FANCB: variants seen among roughly 807,000 people sequenced by gnomAD.
The protein encoded by FANCB is FA complementation group B, also known as Fanconi anemia group B protein.
Under a neutral mutation model 38.9 loss-of-function variants are expected in FANCB, and 5 were observed. That is an observed-to-expected ratio of 0.13 (90% CI 0.07 to 0.27). FANCB has a LOEUF of 0.27. Ranked by LOEUF, FANCB falls within the 10% of genes least tolerant of loss-of-function variation. The probability of loss-of-function intolerance (pLI) is 1.00; values close to 1 mark genes in which losing one functional copy is unlikely to be tolerated. For missense variants in FANCB, 573 were observed against 602.7 expected (o/e 0.95, Z 0.52); for synonymous variants, 236 against 215.4 (o/e 1.10, Z -0.84).
the FANCB span, among the ~76,000 whole-genome samples, chrX:14,775,597 C>T: frequency 9.0e-6 from 1 of 111,658 alleles, no homozygotes; most frequent in Non-Finnish European, 1.9e-5. Flanking sequence ...AGAACTGAGG[C>T]TGTCTGGGCC....
the FANCB span, among the ~76,000 whole-genome samples, chrX:14,753,250 A>C: frequency 9.0e-6 from 1 of 111,482 alleles, no homozygotes. Context: ...CACTCAATCC[A>C]AGATCCAATC....
chrX:14,819,073 T>A, the FANCB span, among the ~76,000 whole-genome samples: 1 of 112,678 alleles, frequency 8.9e-6, no homozygotes, highest in Non-Finnish European at 1.9e-5. Context: ...GCCAATTAAC[T>A]AATAGTAATT....
the FANCB span, among the ~76,000 whole-genome samples, chrX:14,795,053 G>A: frequency 9.4e-4 from 105 of 111,840 alleles, no homozygotes; most frequent in Middle Eastern, 4.6e-3. Context: ...AAGAGAAAGG[G>A]TGTCCTGGAT....
the FANCB span, among the ~76,000 whole-genome samples, chrX:14,761,461 G>T: frequency 9.0e-6 from 1 of 111,083 alleles, no homozygotes; most frequent in African/African-American, 3.3e-5. Context: ...GAGAAAAGAG[G>T]ATGGCATAAG....
At chrX:14,742,886 CT>C in the FANCB span, among the ~76,000 whole-genome samples, 1 of 112,835 alleles carries the variant, frequency 8.9e-6, no homozygotes. Flanking sequence ...ATAAGCAGGG[CT>C]TTTGCTACAT....
the FANCB span, among the ~76,000 whole-genome samples, chrX:14,715,073 G>GA: frequency 8.9e-6 from 1 of 111,903 alleles, no homozygotes; most frequent in Non-Finnish European, 1.9e-5. Context: ...ATACATAAAT[G>GA]AAAAAAAGTC....
chrX:14,723,727 G>A, the FANCB span, among the ~76,000 whole-genome samples: 2 of 111,343 alleles, frequency 1.8e-5, no homozygotes, highest in Non-Finnish European at 3.8e-5. Flanking sequence ...GCCAAACCCT[G>A]CCTTCACCTC....
the FANCB span, among the ~76,000 whole-genome samples, chrX:14,812,596 C>T: frequency 9.1e-6 from 1 of 110,022 alleles, no homozygotes; most frequent in Non-Finnish European, 1.9e-5. Context: ...ACACATAGAC[C>T]CTCCCAAGAC....
the FANCB span, among the ~76,000 whole-genome samples, chrX:14,703,205 G>A: frequency 9.0e-6 from 1 of 111,596 alleles, no homozygotes; most frequent in Non-Finnish European, 1.9e-5. Flanking sequence ...ACCTATAGTG[G>A]GGAAATAAAC....
the FANCB span, among the ~76,000 whole-genome samples, chrX:14,814,883 C>A: frequency 8.9e-6 from 1 of 111,732 alleles, no homozygotes; most frequent in Admixed American, 9.5e-5. Flanking sequence ...ATGATTATTG[C>A]GGCACTATTC....
the FANCB span, among the ~76,000 whole-genome samples, chrX:14,819,362 C>T: frequency 9.1e-6 from 1 of 110,059 alleles, no homozygotes. Flanking sequence ...TGCAGCAGAA[C>T]TGAGAAAAAA....
At chrX:14,701,086 A>G in the FANCB span, among the ~76,000 whole-genome samples, 4 of 110,701 alleles carry the variant, frequency 3.6e-5, no homozygotes, top group Non-Finnish European at 7.6e-5. Flanking sequence ...TTTCTGTGAC[A>G]CAGGAAACAC....
chrX:14,701,362 G>A, the FANCB span, among the ~76,000 whole-genome samples: 28,780 of 109,920 alleles, frequency 0.26, 2,913 homozygotes, highest in Non-Finnish European at 0.3. Context: ...AGGACTGACT[G>A]AAATAAAAAT....
At chrX:14,805,349 G>C in the FANCB span, among the ~76,000 whole-genome samples, 1 of 111,383 alleles carries the variant, frequency 9.0e-6, no homozygotes, top group Admixed American at 9.6e-5. Context: ...GTGTCTGAGG[G>C]TCCACAGCTT....
At chrX:14,824,640 A>T in the FANCB span, among the ~76,000 whole-genome samples, 1 of 112,190 alleles carries the variant, frequency 8.9e-6, no homozygotes, top group Non-Finnish European at 1.9e-5. Context: ...TTTGACTTAC[A>T]GATCACAAAA....
At chrX:14,799,561 T>C in the FANCB span, among the ~76,000 whole-genome samples, 1 of 111,722 alleles carries the variant, frequency 9.0e-6, no homozygotes, top group Non-Finnish European at 1.9e-5. Flanking sequence ...GAGTAATGAG[T>C]AGAAGCTGAA....
chrX:14,842,797 G>A (rs764118932), downstream of FANCB, among the ~76,000 whole-genome samples: 6 of 111,874 alleles, frequency 5.4e-5, no homozygotes, highest in Non-Finnish European at 1.1e-4. Context: ...ACAGTGGCCT[G>A]TAAGGTATAC....
the FANCB span, among the ~76,000 whole-genome samples, chrX:14,796,575 AAT>A: frequency 3.9e-4 from 37 of 95,209 alleles, 1 homozygote; most frequent in South Asian, 4.3e-4. Context: ...TATATTATAT[AAT>A]ATATATGTTA....
the FANCB span, among the ~76,000 whole-genome samples, chrX:14,717,740 T>TAAA: frequency 6.4e-5 from 5 of 78,338 alleles, no homozygotes; most frequent in South Asian, 1.2e-3. Flanking sequence ...TTCTGTAAAG[T>TAAA]AAAAAAAAAA....
Sources: allele counts gnomAD v4.1 joint callset (sites outside exome capture counted in the v4.1 genomes callset), GRCh38; gene constraint gnomAD v4.1.1; transcripts MANE v1.5; gene names NCBI Gene and HGNC (gene_info 2026-07-23, HGNC 2026-07-21).